Variants in ANKRD11 observed in about 807,000 individuals in gnomAD.
The protein encoded by ANKRD11 is ankyrin repeat domain 11, also known as ankyrin repeat domain-containing protein 11.
A neutral mutation model predicts 195.7 loss-of-function variants in ANKRD11; 17 were observed. That is an observed-to-expected ratio of 0.09 (90% confidence interval 0.06 to 0.13). ANKRD11 has a LOEUF of 0.13. Ranked by LOEUF, ANKRD11 falls within the 10% of genes least tolerant of loss-of-function variation. ANKRD11 has a pLI of 1.00. For synonymous variants in ANKRD11, 1,953 were observed against 1,528.1 expected, an observed-to-expected ratio of 1.28 and a Z score of -6.49; for missense variants, 3,735 against 3,566.1, an observed-to-expected ratio of 1.05 and a Z score of -1.21.
intron 1 of ANKRD11, among the ~76,000 whole-genome samples, chr16:89,488,569 A>G (rs2057699511): frequency 6.6e-6 from 1 of 152,186 alleles, no homozygotes; most frequent in African/African-American, 2.4e-5. Flanking sequence ...TCAAGGTCTC[A>G]GAGAAACCAA....
At chr16:89,317,103 C>T (rs757997577) in intron 2 of ANKRD11, 25 bp from the exon 3 acceptor site, 11 of 1,440,908 alleles carry the variant, frequency 7.6e-6, no homozygotes, top group Admixed American at 5.8e-5. Context: ...ACACACAATT[C>T]ACTGAATTCA....
At chr16:89,431,890 G>A (rs1208833472) in intron 1 of ANKRD11, among the ~76,000 whole-genome samples, 2 of 152,040 alleles carry the variant, frequency 1.3e-5, no homozygotes, top group East Asian at 3.9e-4. Flanking sequence ...CTGCCTTGCT[G>A]CAGGGCACCA....
chr16:89,366,282 A>T (rs912467151), intron 2 of ANKRD11, among the ~76,000 whole-genome samples: 3 of 152,124 alleles, frequency 2.0e-5, no homozygotes, highest in African/African-American at 7.2e-5. Context: ...TGGTGCTGCA[A>T]TGGACATTCG....
intron 2 of ANKRD11, among the ~76,000 whole-genome samples, chr16:89,415,697 G>C (rs1207170779): frequency 6.6e-6 from 1 of 151,136 alleles, no homozygotes; most frequent in Non-Finnish European, 1.5e-5. Context: ...GTGTGGTGGT[G>C]GGTACCTGTA....
chr16:89,302,572 G>A (rs144149878), intron 4 of ANKRD11, among the ~76,000 whole-genome samples: 2 of 152,190 alleles, frequency 1.3e-5, no homozygotes, highest in East Asian at 3.9e-4. Flanking sequence ...ACTTTAAGAG[G>A]GTCCTGGTTA....
chr16:89,358,314 C>T (rs1021598786), intron 2 of ANKRD11, among the ~76,000 whole-genome samples: 1 of 152,240 alleles, frequency 6.6e-6, no homozygotes, highest in African/African-American at 2.4e-5. Context: ...GGCCACATCA[C>T]AGCTGCATAT....
chr16:89,425,545 G>T (rs962103503), intron 1 of ANKRD11, among the ~76,000 whole-genome samples: 15 of 152,182 alleles, frequency 9.9e-5, no homozygotes, highest in African/African-American at 2.9e-4. Context: ...AGGCCAGCTG[G>T]TGCAGACAGG....
At chr16:89,381,606 G>A (rs1319810329) in intron 2 of ANKRD11, among the ~76,000 whole-genome samples, 1 of 152,138 alleles carries the variant, frequency 6.6e-6, no homozygotes, top group Non-Finnish European at 1.5e-5. Context: ...CCAACAAGAG[G>A]AGAACGATGA....
intron 1 of ANKRD11, among the ~76,000 whole-genome samples, chr16:89,458,018 G>A (rs1202072613): frequency 6.6e-6 from 1 of 152,004 alleles, no homozygotes; most frequent in Non-Finnish European, 1.5e-5. Context: ...CACACCTGGG[G>A]ACTGGAGACC....
chr16:89,279,719 C>A lies in ANKRD11; in HGVS notation c.6823G>T (p.Ala2275Ser), dbSNP rs750990942. 60 of 1,532,888 alleles carry A rather than the reference C, an allele frequency of 3.9e-5. No homozygotes were observed. Among genetic ancestry groups the A allele is most frequent in the Non-Finnish European group, 5.2e-5 (60 of 1,144,806 alleles). The allele number at this position is 1,532,888 out of a possible 1,614,324, so 95.0% of individuals were successfully genotyped here. The change falls in exon 9 of 13, where the codon GCC (alanine) becomes TCC (serine). Residue 2275 changes from alanine to serine, a missense_variant. By Grantham distance (99) the Ala-to-Ser change is moderately conservative (BLOSUM62 1). Transcript: ENST00000301030. The surrounding 1 kb of genome is among the most constrained non-coding windows in gnomAD (Gnocchi z 5.6). ...TGAGCTTGTGCCACAGTGTTCGGGG[C>A]GGGGCCGTCAGGGGCACAGAGGGAC... Reference protein sequence around the residue: ...AASLCAPDGPAPNTVAQAQAA... With the variant: ...AASLCAPDGPSPNTVAQAQAA...
At chr16:89,334,867 C>T (rs1262724431) in intron 2 of ANKRD11, among the ~76,000 whole-genome samples, 3 of 152,092 alleles carry the variant, frequency 2.0e-5, no homozygotes, top group Non-Finnish European at 2.9e-5. Context: ...ACACTGGATT[C>T]GAAGAGCCAG....
At chr16:89,439,499 T>G (rs539292465) in intron 1 of ANKRD11, among the ~76,000 whole-genome samples, 89 of 152,210 alleles carry the variant, frequency 5.8e-4, no homozygotes, top group African/African-American at 2.1e-3. Flanking sequence ...AAAACAAGTG[T>G]CAAAGTTCTC....
intron 1 of ANKRD11, among the ~76,000 whole-genome samples, chr16:89,488,783 T>C (rs1425959062): frequency 1.3e-5 from 2 of 152,208 alleles, no homozygotes; most frequent in Admixed American, 1.3e-4. Flanking sequence ...ATTTCTCATT[T>C]CAAGTGTTAA....
intron 2 of ANKRD11, among the ~76,000 whole-genome samples, chr16:89,368,532 T>C (rs1223266679): frequency 6.6e-6 from 1 of 151,544 alleles, no homozygotes; most frequent in Non-Finnish European, 1.5e-5. Context: ...GAGCTTCTTT[T>C]GTGCAGCATT....
rs763217037 is a variant in ANKRD11 at position 89,282,173 on chromosome 16, T to C, written c.4369A>G (p.Lys1457Glu). 3.7e-6 allele frequency: 6 copies of C among 1,613,966 alleles called. No individual in the cohort carries two copies. In the African/African-American group the frequency reaches 6.7e-5, roughly 18 times the overall value. Residue 1457 changes from lysine to glutamate, a missense_variant, in exon 9 of 13, where the codon AAA (lysine) becomes GAA (glutamate). Transcript: ENST00000301030. ...PYGSSAINIL[K>E]EKKKREKHRE... ...TGTTTCTCTCTCTTCTTCTTCTCTT[T>C]TAGGATGTTGATGGCACTAGATCCA...
At position 89,279,204 on chromosome 16, in the gene ANKRD11, C is replaced by T. The variant is rs1029055770; in HGVS notation, c.7338G>A (p.Lys2446=). The T allele has an allele frequency of 6.2e-7, 1 of 1,612,404 alleles. No homozygotes were observed. Among genetic ancestry groups the T allele is most frequent in the Middle Eastern group, 2.1e-4 (1 of 4,760 alleles). The change falls in exon 9 of 13, where the codon AAG becomes AAA. Residue 2446 remains lysine, a synonymous_variant. Transcript: ENST00000301030. This position sits in a 1 kb window ranked among gnomAD's most constrained non-coding sequence, Gnocchi z 5.6. ...NPYFEYLQIR[K]KIEEKRKILC... is the part of the protein sequence containing the mutation. ...GGATCTTGCGCTTCTCCTCGATCTT[C>T]TTCCTGATCTGCAGGTATTCGAAGT...
intron 2 of ANKRD11, among the ~76,000 whole-genome samples, chr16:89,367,728 A>G (rs2040009641): frequency 6.6e-6 from 1 of 152,124 alleles, no homozygotes. Context: ...AGCTCCACGC[A>G]TCCCATCCTG....
At chr16:89,375,523 G>C (rs1013065968) in intron 2 of ANKRD11, among the ~76,000 whole-genome samples, 1 of 151,770 alleles carries the variant, frequency 6.6e-6, no homozygotes, top group Non-Finnish European at 1.5e-5. Context: ...GCAGTGGCAC[G>C]ATCTTGGCTC....
intron 9 of ANKRD11, among the ~76,000 whole-genome samples, chr16:89,276,960 G>A (rs1318586730): frequency 6.6e-6 from 1 of 151,840 alleles, no homozygotes; most frequent in Admixed American, 6.6e-5. Flanking sequence ...GGAGGCTGAG[G>A]CAGGAGAATT....
Sources: gnomAD v4.1 joint callset for allele counts (sites outside exome capture counted in the v4.1 genomes callset) on GRCh38, gnomAD v4.1.1 for gene constraint, Gnocchi (gnomAD v3.1) non-coding constraint, MANE v1.5 for transcripts, NCBI Gene and HGNC (gene_info 2026-07-23, HGNC 2026-07-21) for gene names.